Variants in MAP3K5 observed in about 807,000 individuals in gnomAD.
MAP3K5 encodes ASK-1.
MAP3K5 carries 56 observed loss-of-function variants against 158.7 expected under a neutral mutation model. That is an observed-to-expected ratio of 0.35 (90% confidence interval 0.28 to 0.44). MAP3K5 has a LOEUF of 0.44. Among genes scored for constraint, MAP3K5 ranks in the 20% least tolerant of loss-of-function variants. MAP3K5 has a pLI of 1.00. For synonymous variants in MAP3K5, 579 were observed against 601.7 expected, an observed-to-expected ratio of 0.96 and a Z score of 0.55; for missense variants, 1,294 against 1,674.8, an observed-to-expected ratio of 0.77 and a Z score of 3.97.
chr6:136,581,591 C>T (rs1020833148), intron 24 of MAP3K5, among the ~76,000 whole-genome samples: 1 of 152,186 alleles, frequency 6.6e-6, no homozygotes, highest in African/African-American at 2.4e-5. Context: ...AGCCACAAAC[C>T]CATGTCAAGA....
intron 6 of MAP3K5, among the ~76,000 whole-genome samples, chr6:136,694,719 C>T (rs34849567): frequency 0.013 from 1,988 of 152,216 alleles, 24 homozygotes; most frequent in Non-Finnish European, 0.019. Context: ...GGCTTTTGCT[C>T]CAAAACTTAG....
chr6:136,658,341 G>T (rs1220088221), intron 9 of MAP3K5, among the ~76,000 whole-genome samples: 5 of 105,358 alleles, frequency 4.7e-5, no homozygotes, highest in Admixed American at 1.4e-4. Flanking sequence ...TTGAGACAGA[G>T]TCTTGCCCTG....
chr6:136,564,244 C>T (rs1583188208), intron 26 of MAP3K5, among the ~76,000 whole-genome samples: 1 of 152,282 alleles, frequency 6.6e-6, no homozygotes, highest in East Asian at 1.9e-4. Context: ...AGGCTCGACC[C>T]CATTCCCACA....
At chr6:136,638,980 A>G (rs1777783880) in intron 13 of MAP3K5, among the ~76,000 whole-genome samples, 1 of 152,194 alleles carries the variant, frequency 6.6e-6, no homozygotes, top group South Asian at 2.1e-4. Flanking sequence ...GAAACATACA[A>G]TGGAGAAAAA....
chr6:136,631,167 T>C (rs2129101419), intron 14 of MAP3K5, among the ~76,000 whole-genome samples: 1 of 152,300 alleles, frequency 6.6e-6, no homozygotes. Context: ...GTCAGTTAAT[T>C]TGCAGGCCCC....
intron 1 of MAP3K5, among the ~76,000 whole-genome samples, chr6:136,726,950 G>C (rs139056205): frequency 6.6e-6 from 1 of 151,994 alleles, no homozygotes; most frequent in Admixed American, 6.5e-5. Flanking sequence ...TTTCCCTTCC[G>C]ATTTGTATGC....
chr6:136,698,437 T>C (rs1780698818), intron 4 of MAP3K5, 52 bp downstream of exon 4: 3 of 1,489,940 alleles, frequency 2.0e-6, no homozygotes, highest in Non-Finnish European at 1.9e-6. Context: ...AATAAAGATG[T>C]AGAATAACAC....
intron 14 of MAP3K5, among the ~76,000 whole-genome samples, chr6:136,625,707 C>A (rs1264676767): frequency 6.6e-6 from 1 of 152,134 alleles, no homozygotes; most frequent in Non-Finnish European, 1.5e-5. Flanking sequence ...TTGAAGTTTG[C>A]TATGCAGAAT....
chr6:136,595,479 C>T (rs1461785710), intron 21 of MAP3K5, among the ~76,000 whole-genome samples: 1 of 152,152 alleles, frequency 6.6e-6, no homozygotes. Flanking sequence ...ATTCATTCAT[C>T]CAACATACAG....
intron 14 of MAP3K5, among the ~76,000 whole-genome samples, chr6:136,624,146 A>G (rs531541601): frequency 7.2e-5 from 11 of 152,280 alleles, no homozygotes; most frequent in Admixed American, 2.6e-4. Context: ...GTGAGCTGAG[A>G]TGGCGACACT....
chr6:136,752,663 C>T (rs1034869777), intron 1 of MAP3K5, among the ~76,000 whole-genome samples: 5 of 152,182 alleles, frequency 3.3e-5, no homozygotes, highest in East Asian at 3.9e-4. Flanking sequence ...CCGCCCTCCT[C>T]GGCCTCCCAG....
intron 5 of MAP3K5, among the ~76,000 whole-genome samples, chr6:136,697,002 C>T (rs544593173): frequency 2.6e-5 from 4 of 152,246 alleles, no homozygotes; most frequent in South Asian, 4.1e-4. Flanking sequence ...AAAAGTCAGG[C>T]CTTTACCATA....
intron 7 of MAP3K5, among the ~76,000 whole-genome samples, chr6:136,693,253 G>C (rs912015747): frequency 6.6e-6 from 1 of 152,086 alleles, no homozygotes; most frequent in African/African-American, 2.4e-5. Flanking sequence ...GCTGTCTCTT[G>C]TATTCCAGTG....
chr6:136,630,842 A>G (rs1222611649), intron 14 of MAP3K5, among the ~76,000 whole-genome samples: 1 of 152,184 alleles, frequency 6.6e-6, no homozygotes, highest in Non-Finnish European at 1.5e-5. Flanking sequence ...TACATGAATA[A>G]ATTTTGGCTA....
intron 8 of MAP3K5, among the ~76,000 whole-genome samples, chr6:136,666,022 A>C (rs115214470): frequency 0.018 from 2,737 of 152,356 alleles, 75 homozygotes; most frequent in African/African-American, 0.06. Context: ...CACAATTGGA[A>C]AATTCCACAG....
At position 136,715,507 on chromosome 6, in the gene MAP3K5, CT is replaced by C. The variant is rs535865422; in HGVS notation, c.588+4942del. ...CCCAATTTTATTCCATTCCTATCCC[CT>C]AAGAGGTAACTATTCTGAATGTTGT... On this transcript the variant is annotated intron_variant, in intron 2 of 29. Transcript: ENST00000359015. Among the ~76,000 whole-genome samples the C allele has an allele frequency of 1.4e-4, 22 of 152,234 alleles. No individual in the cohort carries two copies. The East Asian group carries it at 4.2e-3, about 29-fold the overall frequency.
intron 7 of MAP3K5, among the ~76,000 whole-genome samples, chr6:136,686,676 G>A (rs900333378): frequency 2.0e-5 from 3 of 152,084 alleles, no homozygotes; most frequent in Admixed American, 6.5e-5. Flanking sequence ...ATTCACAATT[G>A]CCACAAAGAG....
intron 8 of MAP3K5, among the ~76,000 whole-genome samples, chr6:136,662,970 T>G (rs1265279533): frequency 6.6e-6 from 1 of 152,252 alleles, no homozygotes; most frequent in Non-Finnish European, 1.5e-5. Flanking sequence ...GAGGATTTTT[T>G]AATCATTTAC....
At chr6:136,739,880 C>T (rs1248050895) in intron 1 of MAP3K5, among the ~76,000 whole-genome samples, 1 of 152,170 alleles carries the variant, frequency 6.6e-6, no homozygotes, top group Non-Finnish European at 1.5e-5. Flanking sequence ...CCTGGTTGGG[C>T]CCTAAGCAAG....
Sources: gnomAD v4.1 joint callset for allele counts (sites outside exome capture counted in the v4.1 genomes callset) on GRCh38, gnomAD v4.1.1 for gene constraint, MANE v1.5 for transcripts, NCBI Gene and HGNC (gene_info 2026-07-23, HGNC 2026-07-21) for gene names.